PLCE1: variants seen among roughly 807,000 people sequenced by gnomAD.
PLCE1 encodes the protein 1-phosphatidylinositol 4,5-bisphosphate phosphodiesterase epsilon-1.
In PLCE1, 119 loss-of-function variants were observed where a neutral mutation model predicts 242.8. The ratio of observed to expected loss-of-function variants is 0.49; its 90% CI spans 0.42 to 0.57. The LOEUF (loss-of-function observed/expected upper bound fraction) is 0.57, where lower values mean the gene tolerates loss of function less well. PLCE1 is among the 20% of genes least tolerant of loss of function. The probability of loss-of-function intolerance (pLI) is 0.00; values close to 1 mark genes in which losing one functional copy is unlikely to be tolerated. For missense variants in PLCE1, 2,441 were observed against 2,788.8 expected, an observed-to-expected ratio of 0.88 and a Z score of 2.81; for synonymous variants, 945 against 1,017.4, an observed-to-expected ratio of 0.93 and a Z score of 1.35.
chr10:94,082,341 G>A (rs1462261579), intron 2 of PLCE1: 2 of 152,212 alleles, frequency 1.3e-5, no homozygotes, highest in Non-Finnish European at 2.9e-5. Flanking sequence ...CCTAGCAACT[G>A]AAGCAAAGAA....
At chr10:94,124,337 CA>C in intron 2 of PLCE1, among the ~76,000 whole-genome samples, 1 of 147,924 alleles carries the variant, frequency 6.8e-6, no homozygotes, top group Non-Finnish European at 1.5e-5. Flanking sequence ...ATGATTGTGC[CA>C]CTGCACTCCA....
In PLCE1 at chr10:94,000,564, G is replaced by A. The variant is rs1204671030; in HGVS notation, c.-365+6306G>A. 2.6e-4 allele frequency among the ~76,000 whole-genome samples: 39 copies of A among 152,220 alleles called. 1 individual carries two copies. Among genetic ancestry groups the A allele is most frequent in the Non-Finnish European group, 7.3e-5 (5 of 68,032 alleles). On this transcript the variant is annotated intron_variant, in intron 1 of 32. Transcript: ENST00000371380. ...TAGAACTGTACATGGGCTAGAATAA[G>A]AATTCTAACAAATATTAGTTTCTTT...
chr10:94,041,038 A>G (rs563999016), intron 2 of PLCE1, among the ~76,000 whole-genome samples: 2 of 152,166 alleles, frequency 1.3e-5, no homozygotes, highest in Admixed American at 1.3e-4. Flanking sequence ...TGTCCTTTAC[A>G]TGAAACCTTT....
In PLCE1 at chr10:94,284,050, G is replaced by C. The variant is rs906904157; in HGVS notation, c.4917+139G>C. 7.9e-6 allele frequency: 8 copies of C among 1,012,404 alleles called. No homozygotes were observed. In the African/African-American group the frequency reaches 9.7e-5, roughly 12 times the overall value. The allele number at this position is 1,012,404 out of a possible 1,614,324, so 62.7% of individuals were successfully genotyped here. On this transcript the variant is annotated intron_variant, in intron 21 of 32. Transcript: ENST00000371380. ...CTTAGATACCTGCCAAAGTTCACTT[G>C]GTGATATTAAAAGACACCCACCTTC...
intron 4 of PLCE1, among the ~76,000 whole-genome samples, chr10:94,177,825 T>C (rs1262900462): frequency 6.6e-6 from 1 of 152,198 alleles, no homozygotes. Context: ...AAAGATTACA[T>C]ACTTTAGTGC....
chr10:94,325,578 A>G (rs191242737), intron 32 of PLCE1: 1 of 151,980 alleles, frequency 6.6e-6, no homozygotes, highest in East Asian at 1.9e-4. Context: ...CTGGGCAATG[A>G]GAGTGAAAAC....
intron 1 of PLCE1, among the ~76,000 whole-genome samples, chr10:94,027,736 G>A (rs140567133): frequency 0.014 from 2,113 of 152,218 alleles, 18 homozygotes; most frequent in Non-Finnish European, 0.014. Context: ...CAGGAGAATC[G>A]CTTGAATCCA....
At chr10:94,097,956 C>T (rs561525129) in intron 2 of PLCE1, among the ~76,000 whole-genome samples, 53 of 152,176 alleles carry the variant, frequency 3.5e-4, no homozygotes, top group African/African-American at 1.1e-3. Context: ...AGTGGACAGG[C>T]GACAGAGATG....
chr10:94,187,094 AT>A (rs1590207375), intron 4 of PLCE1, among the ~76,000 whole-genome samples: 1 of 151,846 alleles, frequency 6.6e-6, no homozygotes, highest in East Asian at 1.9e-4. Flanking sequence ...AGGCTACAGA[AT>A]TTGCCCAATA....
intron 24 of PLCE1, among the ~76,000 whole-genome samples, chr10:94,299,065 C>T (rs1462696080): frequency 6.6e-6 from 1 of 152,200 alleles, no homozygotes; most frequent in African/African-American, 2.4e-5. Flanking sequence ...TCACTCCAAC[C>T]ACTTTGCAAG....
intron 2 of PLCE1, among the ~76,000 whole-genome samples, chr10:94,069,279 G>A (rs2044284747): frequency 2.0e-5 from 3 of 152,150 alleles, no homozygotes; most frequent in African/African-American, 7.2e-5. Flanking sequence ...TCAATTCATG[G>A]AATTGAGGTC....
At chr10:94,292,329 TTG>T (rs2052670797) in intron 22 of PLCE1, among the ~76,000 whole-genome samples, 2 of 151,886 alleles carry the variant, frequency 1.3e-5, no homozygotes, top group South Asian at 4.2e-4. Context: ...CCAAAACTGT[TTG>T]AACGCTGACA....
rs1352871318 is a variant in PLCE1 at position 94,332,499 on chromosome 10, G to GT, written c.*4557dup. On this transcript the variant is annotated 3_prime_UTR_variant, in exon 33 of 33. Coordinates refer to ENST00000371380, the MANE Select transcript of PLCE1 (RefSeq NM_016341.4). ...AGCTTAATATAGCCTCAGGATATGT[G>GT]TGTGCCTGTGTGTGTGTGTGTGTGT... The GT allele has an allele frequency of 3.5e-5, 4 of 113,414 alleles. No individual in the cohort carries two copies. The highest frequency in any genetic ancestry group is 1.5e-4 in the African/African-American group (4 of 27,586). The allele number at this position is 113,414 out of a possible 1,614,324, so 7.0% of individuals were successfully genotyped here.
chr10:94,137,992 G>A (rs2135971968), intron 3 of PLCE1: 3 of 379,794 alleles, frequency 7.9e-6, no homozygotes, highest in Admixed American at 6.3e-5. Flanking sequence ...ACATGTCTGA[G>A]TACAGCCAGC....
rs553898181 is a variant in PLCE1, at chr10:94,103,734, T to G, written c.1207-28440T>G. Among the ~76,000 whole-genome samples the G allele has an allele frequency of 3.9e-5, 6 of 152,242 alleles. 2 individuals are homozygous for G. Among genetic ancestry groups the G allele is most frequent in the African/African-American group, 1.4e-4 (6 of 41,486 alleles). Reference sequence around the variant, plus strand: ...CAAACTCAAGCATCTTGCCTCCTTCTATCCTTACCCACACGGTGTGTGTGC... The same window carrying G: ...CAAACTCAAGCATCTTGCCTCCTTCGATCCTTACCCACACGGTGTGTGTGC... On this transcript the variant is annotated intron_variant, in intron 2 of 32. Coordinates refer to ENST00000371380, the MANE Select transcript of PLCE1 (RefSeq NM_016341.4).
chr10:94,208,148 G>A (rs1410005072), intron 4 of PLCE1, among the ~76,000 whole-genome samples: 2 of 152,184 alleles, frequency 1.3e-5, no homozygotes, highest in African/African-American at 4.8e-5. Context: ...TTACCAGAGA[G>A]AAAATGGTAA....
At chr10:94,173,362 G>A (rs1048506946) in intron 4 of PLCE1, among the ~76,000 whole-genome samples, 3 of 152,074 alleles carry the variant, frequency 2.0e-5, no homozygotes, top group Non-Finnish European at 4.4e-5. Flanking sequence ...CCCCAAAGTT[G>A]TTTTTAAAAA....
intron 2 of PLCE1, among the ~76,000 whole-genome samples, chr10:94,110,277 T>C (rs1260320415): frequency 1.3e-5 from 2 of 151,950 alleles, no homozygotes; most frequent in Non-Finnish European, 2.9e-5. Context: ...TTAGCCAGGA[T>C]GGTCTCGATC....
intron 2 of PLCE1, among the ~76,000 whole-genome samples, chr10:94,092,542 C>T (rs2045119639): frequency 6.6e-6 from 1 of 152,020 alleles, no homozygotes; most frequent in Non-Finnish European, 1.5e-5. Flanking sequence ...GAGAAACCCA[C>T]CTAGAAAGCC....
Sources: allele counts gnomAD v4.1 joint callset (sites outside exome capture counted in the v4.1 genomes callset), GRCh38; gene constraint gnomAD v4.1.1; transcripts MANE v1.5; gene names NCBI Gene and HGNC (gene_info 2026-07-23, HGNC 2026-07-21).